The following JADE3 variants were observed in gnomAD, a reference collection of about 807,000 sequenced individuals.
JADE3 encodes jade family PHD finger 3, also known as protein Jade-3.
JADE3 carries 2 observed loss-of-function variants against 50.1 expected under a neutral mutation model. The ratio of observed to expected loss-of-function variants is 0.04; its 90% CI spans 0.02 to 0.13. JADE3 has a LOEUF of 0.13. Among genes scored for constraint, JADE3 ranks in the 10% least tolerant of loss-of-function variants. The probability of loss-of-function intolerance (pLI) is 1.00; values close to 1 mark genes in which losing one functional copy is unlikely to be tolerated. For missense variants in JADE3, 475 were observed against 634.4 expected, an observed-to-expected ratio of 0.75 and a Z score of 2.70; for synonymous variants, 218 against 232.9, an observed-to-expected ratio of 0.94 and a Z score of 0.58.
At chrX:47,042,443 TGATG>T (rs782030352) in intron 8 of JADE3, among the ~76,000 whole-genome samples, 148 of 111,662 alleles carry the variant, frequency 1.3e-3, no homozygotes, top group Non-Finnish European at 2.4e-3. Flanking sequence ...GATGGATGGA[TGATG>T]GATGAACAGT....
At chrX:46,963,046 C>T (rs1927296744) in intron 1 of JADE3, among the ~76,000 whole-genome samples, 1 of 111,101 alleles carries the variant, frequency 9.0e-6, no homozygotes, top group South Asian at 3.8e-4. Context: ...ACCATGTTGG[C>T]CAGGCTGGTC....
intron 1 of JADE3, among the ~76,000 whole-genome samples, chrX:46,934,107 C>T (rs555627250): frequency 9.0e-6 from 1 of 111,308 alleles, no homozygotes; most frequent in African/African-American, 3.3e-5. Flanking sequence ...TTTTCATTGT[C>T]TTAATGGTGT....
intron 3 of JADE3, among the ~76,000 whole-genome samples, chrX:46,989,809 C>A (rs1927943739): frequency 9.0e-6 from 1 of 111,253 alleles, no homozygotes; most frequent in South Asian, 3.7e-4. Context: ...TTCTTTTTCC[C>A]CTCCTTTTGG....
chrX:47,019,760 T>C (rs1928754671), intron 4 of JADE3, among the ~76,000 whole-genome samples: 2 of 111,671 alleles, frequency 1.8e-5, no homozygotes, highest in South Asian at 7.5e-4. Context: ...TAGATCAGGT[T>C]AGAGTGACTG....
intron 4 of JADE3, among the ~76,000 whole-genome samples, chrX:47,015,962 C>T (rs1281986514): frequency 9.0e-6 from 1 of 110,767 alleles, no homozygotes; most frequent in African/African-American, 3.3e-5. Flanking sequence ...ATGTGGATCC[C>T]CTCTGCCCCA....
intron 8 of JADE3, among the ~76,000 whole-genome samples, chrX:47,042,768 G>A (rs1929291042): frequency 9.0e-6 from 1 of 111,414 alleles, no homozygotes; most frequent in Non-Finnish European, 1.9e-5. Flanking sequence ...CCCAAGGCCA[G>A]GAGGAATTCG....
chrX:46,994,309 A>C (rs1278090211), intron 3 of JADE3, among the ~76,000 whole-genome samples: 10 of 112,064 alleles, frequency 8.9e-5, no homozygotes, highest in African/African-American at 3.2e-4. Context: ...CCAGATGTGC[A>C]CACAGTGTTG....
At chrX:47,006,226 CT>C (rs1393884285) in intron 4 of JADE3, among the ~76,000 whole-genome samples, 4 of 110,941 alleles carry the variant, frequency 3.6e-5, no homozygotes, top group African/African-American at 1.3e-4. Context: ...TTTGTATTAT[CT>C]TTTTTTCTTG....
At chrX:47,028,489 C>T (rs994073122) in intron 6 of JADE3, among the ~76,000 whole-genome samples, 11 of 110,037 alleles carry the variant, frequency 1.0e-4, no homozygotes, top group Admixed American at 3.9e-4. Flanking sequence ...GGTGAGTTTA[C>T]ACTTCCTACA....
intron 1 of JADE3, among the ~76,000 whole-genome samples, chrX:46,940,069 T>A (rs181610128): frequency 1.0e-3 from 114 of 112,370 alleles, no homozygotes; most frequent in African/African-American, 3.3e-3. Flanking sequence ...ATTTACTGAT[T>A]AGCCCTTTAC....
At chrX:47,013,962 A>C (rs1049087066) in intron 4 of JADE3, among the ~76,000 whole-genome samples, 1 of 111,917 alleles carries the variant, frequency 8.9e-6, no homozygotes, top group Admixed American at 9.5e-5. Context: ...TTTACTCTTG[A>C]CTGACCCACT....
intron 3 of JADE3, 148 bp from the exon 4 acceptor site, chrX:46,997,972 C>A: frequency 2.2e-6 from 1 of 448,193 alleles, no homozygotes; most frequent in Non-Finnish European, 3.7e-6. Context: ...CCTTTCCAAA[C>A]AGAAGTTGAT....
In JADE3 at chrX:47,058,680, C is replaced by G. The variant is rs782452158; in HGVS notation, c.2075C>G (p.Pro692Arg). 5 of 1,211,510 alleles carry G rather than the reference C, an allele frequency of 4.1e-6. No homozygotes were observed. The highest frequency in any genetic ancestry group is 5.6e-6 in the Non-Finnish European group (5 of 895,407). The change falls in exon 11 of 11, where the codon CCT (proline) becomes CGT (arginine). Residue 692 changes from proline to arginine, a missense_variant. Physicochemically the swap from Pro to Arg is moderately radical, Grantham distance 103 (BLOSUM62 -2). Around this residue, in one of 6 missense-constraint regions of JADE3, gnomAD observed 243 missense variants for 238.2 expected, o/e 1.02. Coordinates refer to ENST00000614628, the MANE Select transcript of JADE3 (RefSeq NM_014735.5). ...AGTGAGATGTTCTGTGACCAGGAGCCTGTGTTCAGCCCCCACTTGGTCAGT... is the reference window on the plus strand; with the variant it reads ...AGTGAGATGTTCTGTGACCAGGAGCGTGTGTTCAGCCCCCACTTGGTCAGT... ...SSSEMFCDQE[P>R]VFSPHLVSQG...
chrX:46,998,788 G>A (rs185758317), intron 4 of JADE3, among the ~76,000 whole-genome samples: 47 of 111,030 alleles, frequency 4.2e-4, no homozygotes, highest in African/African-American at 1.2e-3. Flanking sequence ...TGCCTCCCGG[G>A]TTCAAGAGAT....
intron 1 of JADE3, among the ~76,000 whole-genome samples, chrX:46,928,761 GGTTTTGTTTT>G (rs781885491): frequency 4.2e-4 from 46 of 110,326 alleles, no homozygotes; most frequent in Admixed American, 1.7e-3. Flanking sequence ...TTAAATGGTG[GGTTTTGTTTT>G]GTTTTGTTTT....
chrX:47,012,899 A>G (rs1274995461), intron 4 of JADE3, among the ~76,000 whole-genome samples: 1 of 111,371 alleles, frequency 9.0e-6, no homozygotes, highest in African/African-American at 3.3e-5. Flanking sequence ...AATGATGAAC[A>G]CTGTACCCCA....
Position 47,006,420 on chromosome X carries a change from A to G in JADE3, c.284+8143A>G, listed in dbSNP as rs1040540579. ...TGCCTCAGCCTCCTAAGTAGCTGGG[A>G]CTACAGGCGCATGCCACCACGCCAG... On this transcript the variant is annotated intron_variant, in intron 4 of 10. Transcript: ENST00000614628. 3.7e-5 allele frequency among the ~76,000 whole-genome samples: 4 copies of G among 107,029 alleles called. No homozygotes were observed. The East Asian group carries it at 1.2e-3, about 31-fold the overall frequency. The allele number at this position is 107,029 out of a possible 115,157, so 92.9% of individuals were successfully genotyped here.
chrX:46,940,093 T>C (rs1556341992), intron 1 of JADE3, among the ~76,000 whole-genome samples: 5 of 112,322 alleles, frequency 4.5e-5, no homozygotes, highest in Admixed American at 2.8e-4. Flanking sequence ...AAAAGTTCGC[T>C]AACTCCTGGT....
At chrX:46,961,320 A>G (rs1927252996) in intron 1 of JADE3, among the ~76,000 whole-genome samples, 1 of 111,679 alleles carries the variant, frequency 9.0e-6, no homozygotes, top group African/African-American at 3.3e-5. Context: ...ACTGTCTACA[A>G]CGGAACGCTC....
Sources: allele counts gnomAD v4.1 joint callset (sites outside exome capture counted in the v4.1 genomes callset), GRCh38; gene constraint gnomAD v4.1.1; regional missense constraint gnomAD v4.1.1; transcripts MANE v1.5; gene names NCBI Gene and HGNC (gene_info 2026-07-23, HGNC 2026-07-21).